FAT1: variants seen among roughly 807,000 people sequenced by gnomAD.
FAT1 encodes protocadherin Fat 1.
FAT1 carries 171 observed loss-of-function variants against 329.8 expected under a neutral mutation model. The ratio of observed to expected loss-of-function variants is 0.52; its 90% CI spans 0.46 to 0.59. The LOEUF is 0.59. Ranked by LOEUF, FAT1 falls within the 20% of genes least tolerant of loss-of-function variation. The pLI, the probability that FAT1 is intolerant of heterozygous loss-of-function variation, is 0.00. For synonymous variants in FAT1, 2,233 were observed against 2,228.6 expected, an observed-to-expected ratio of 1.00 and a Z score of -0.06; for missense variants, 5,672 against 5,774.4, an observed-to-expected ratio of 0.98 and a Z score of 0.57.
intron 3 of FAT1, among the ~76,000 whole-genome samples, chr4:186,658,641 C>T (rs1031828798): frequency 3.3e-5 from 5 of 152,116 alleles, no homozygotes; most frequent in South Asian, 2.1e-4. Context: ...TGAGGGTAGC[C>T]GTCTCCCATA....
intron 16 of FAT1, among the ~76,000 whole-genome samples, chr4:186,606,872 A>C (rs1471715507): frequency 1.3e-5 from 2 of 152,256 alleles, no homozygotes; most frequent in South Asian, 4.1e-4. Context: ...TAGATCCCAG[A>C]GTATGTTCTA....
chr4:186,664,052 A>T (rs1226473421), intron 2 of FAT1, among the ~76,000 whole-genome samples: 3 of 152,136 alleles, frequency 2.0e-5, no homozygotes, highest in African/African-American at 7.2e-5. Flanking sequence ...AGACAGGGAC[A>T]ACACCAGAGC....
intron 2 of FAT1, among the ~76,000 whole-genome samples, chr4:186,703,326 A>C (rs901061940): frequency 1.3e-5 from 2 of 152,242 alleles, no homozygotes; most frequent in Admixed American, 6.5e-5. Flanking sequence ...CTACTTCTAC[A>C]AAAACAGAAA....
chr4:186,717,608 G>C (rs891082814), intron 1 of FAT1, among the ~76,000 whole-genome samples: 1 of 152,160 alleles, frequency 6.6e-6, no homozygotes, highest in African/African-American at 2.4e-5. Flanking sequence ...TTCCTGAAGT[G>C]TTCCTGCCCT....
At chr4:186,700,961 G>A (rs1001852233) in intron 2 of FAT1, among the ~76,000 whole-genome samples, 2 of 152,096 alleles carry the variant, frequency 1.3e-5, no homozygotes, top group Non-Finnish European at 1.5e-5. Context: ...TCCAGGTCCC[G>A]GCCCCTGCAC....
chr4:186,620,958 G>T lies in FAT1; in HGVS notation c.5628C>A (p.Pro1876=), dbSNP rs1443693883. 4 of 1,613,664 alleles carry T rather than the reference G, an allele frequency of 2.5e-6. No individual in the cohort carries two copies. Among genetic ancestry groups the T allele is most frequent in the Non-Finnish European group, 3.4e-6 (4 of 1,179,896 alleles). ...CATATAATGGCTTGGCAAACACAGGGGGGCAGTCATTAATGTCAATTACAT... is the reference window on the plus strand; with the variant it reads ...CATATAATGGCTTGGCAAACACAGGTGGGCAGTCATTAATGTCAATTACAT... The part of the protein sequence containing the change: ...TVHVIDINDC[P]PVFAKPLYEA... Residue 1876 remains proline (P), a synonymous_variant, in exon 10 of 27, where the codon CCC becomes CCA. Coordinates refer to ENST00000441802, the MANE Select transcript of FAT1 (RefSeq NM_005245.4).
chr4:186,670,615 A>G (rs1579423321), intron 2 of FAT1, among the ~76,000 whole-genome samples: 1 of 152,224 alleles, frequency 6.6e-6, no homozygotes, highest in Non-Finnish European at 1.5e-5. Context: ...GAATTGTCAT[A>G]TTAAATGTTA....
At chr4:186,595,558 G>A in intron 26 of FAT1, 131 bp downstream of exon 26, 1 of 1,026,920 alleles carries the variant, frequency 9.7e-7, no homozygotes, top group Non-Finnish European at 1.4e-6. Context: ...GTATGGTATT[G>A]TTTAAAAGTG....
intron 3 of FAT1, among the ~76,000 whole-genome samples, chr4:186,641,808 A>C (rs1255434506): frequency 6.6e-6 from 1 of 152,048 alleles, no homozygotes; most frequent in Non-Finnish European, 1.5e-5. Context: ...GAGGTTCGAG[A>C]CCAGCCTGGC....
chr4:186,685,397 G>A (rs1743414690), intron 2 of FAT1, among the ~76,000 whole-genome samples: 1 of 152,184 alleles, frequency 6.6e-6, no homozygotes, highest in African/African-American at 2.4e-5. Flanking sequence ...TAAAATATAT[G>A]AAGGTTAAAA....
chr4:186,685,751 C>A (rs1486961703), intron 2 of FAT1, among the ~76,000 whole-genome samples: 1 of 152,142 alleles, frequency 6.6e-6, no homozygotes, highest in Non-Finnish European at 1.5e-5. Context: ...ACTCGTATTC[C>A]CTTCAACTGA....
chr4:186,591,537 A>G (rs1738238333), intron 26 of FAT1, among the ~76,000 whole-genome samples: 1 of 152,230 alleles, frequency 6.6e-6, no homozygotes, highest in Non-Finnish European at 1.5e-5. Context: ...TTCCATGTGC[A>G]CTTCTTGGAT....
chr4:186,633,854 T>A (rs2126556449), intron 6 of FAT1, 31 bp from the exon 7 acceptor site: 1 of 1,613,204 alleles, frequency 6.2e-7, no homozygotes. Context: ...TAAAAACAGG[T>A]CACAGGATAA....
At chr4:186,669,858 A>G (rs1191155186) in intron 2 of FAT1, among the ~76,000 whole-genome samples, 1 of 152,096 alleles carries the variant, frequency 6.6e-6, no homozygotes, top group Non-Finnish European at 1.5e-5. Context: ...TGCTCCAATA[A>G]ACGGTTCAAA....
rs561086143 is a variant in FAT1, at chr4:186,620,190, C to T, written c.6396G>A (p.Leu2132=). The T allele has an allele frequency of 4.3e-6, 7 of 1,613,942 alleles. No individual in the cohort carries two copies. The East Asian group carries it at 1.6e-4, about 36-fold the overall frequency. ...ATTGCTTTTTCAGTGAAATTTCACC[C>T]AAGGGTCCAATTTGAAAGTGTTCAT... ...EHHEHFQIGP[L]GEISLKKQFE... Residue 2132 remains leucine (L), a synonymous_variant, in exon 10 of 27, where the codon TTG becomes TTA. Transcript: ENST00000441802.
Position 186,601,454 on chromosome 4 carries a change from A to T in FAT1, c.11483-28T>A, listed in dbSNP as rs761700207. ...GTGAATCACACAGAGGAAAAAATAA[A>T]CCAGAACCAAGTTTAAGCATATTTT... On this transcript the variant is annotated intron_variant, in intron 20 of 26. Coordinates refer to ENST00000441802, the MANE Select transcript of FAT1 (RefSeq NM_005245.4). 7 of 1,587,412 alleles carry T rather than the reference A, an allele frequency of 4.4e-6. 1 individual carries two copies. The South Asian group carries it at 7.8e-5, about 18-fold the overall frequency.
intron 26 of FAT1, among the ~76,000 whole-genome samples, chr4:186,594,896 A>C (rs995886640): frequency 1.3e-5 from 2 of 151,758 alleles, no homozygotes; most frequent in African/African-American, 4.8e-5. Flanking sequence ...TAATATGTTT[A>C]ATAATAAACG....
At position 186,707,673 on chromosome 4, in the gene FAT1, T is replaced by C. The variant is rs1441118932; in HGVS notation, c.2155A>G (p.Thr719Ala). ...VNAHIPQFRS[T>A]LPTGIQVKEN... ...TTTACCTGAATACCAGTCGGAAGAG[T>C]GCTTCTAAACTGCGGTATGTGAGCA... The change falls in exon 2 of 27, where the codon ACT becomes GCT. Residue 719 changes from threonine to alanine, a missense_variant. By Grantham distance (58) the Thr-to-Ala change is moderately conservative. Around this residue, in one of 2 missense-constraint regions of FAT1, gnomAD observed 3,966 missense variants for 3,915.2 expected, o/e 1.01. Transcript: ENST00000441802. 2 of 1,613,796 alleles carry C rather than the reference T, an allele frequency of 1.2e-6. No individual in the cohort carries two copies. The highest frequency in any genetic ancestry group is 2.2e-5 in the South Asian group (2 of 91,072).
chr4:186,596,386 C>T lies in FAT1; in HGVS notation c.13000+154G>A, dbSNP rs550293727. 5.9e-5 allele frequency among the ~76,000 whole-genome samples: 9 copies of T among 152,172 alleles called. No individual in the cohort carries two copies. Among genetic ancestry groups the T allele is most frequent in the Non-Finnish European group, 1.0e-4 (7 of 68,032 alleles). On this transcript the variant is annotated intron_variant, in intron 25 of 26. Transcript: ENST00000441802. The surrounding 1 kb of genome is among the most constrained non-coding windows in gnomAD (Gnocchi z 4.7). ...AAAGCCACAATGCTAACCCAGCAAT[C>T]GGGACATCCAAAAAAGTTTCAAATC... is the stretch of plus-strand genomic sequence containing the variant.
Sources: allele counts gnomAD v4.1 joint callset (sites outside exome capture counted in the v4.1 genomes callset), GRCh38; gene constraint gnomAD v4.1.1; regional missense constraint gnomAD v4.1.1; non-coding constraint Gnocchi (gnomAD v3.1); transcripts MANE v1.5; gene names NCBI Gene and HGNC (gene_info 2026-07-23, HGNC 2026-07-21).